The following SLCO5A1 variants were observed in gnomAD, a reference collection of about 807,000 sequenced individuals.
The protein encoded by SLCO5A1 is organic anion transporter polypeptide-related protein 4.
In SLCO5A1, 39 loss-of-function variants were observed where a neutral mutation model predicts 65.1. The observed-to-expected ratio is 0.60, with a 90% CI of 0.46 to 0.78. The LOEUF (loss-of-function observed/expected upper bound fraction) is 0.78, where lower values mean the gene tolerates loss of function less well. SLCO5A1 is among the 30% of genes least tolerant of loss of function. SLCO5A1 has a pLI of 0.00. For synonymous variants in SLCO5A1, 438 were observed against 415.7 expected, an observed-to-expected ratio of 1.05 and a Z score of -0.65; for missense variants, 1,029 against 1,069.4, an observed-to-expected ratio of 0.96 and a Z score of 0.53.
chr8:69,744,030 A>G (rs1816917271), intron 4 of SLCO5A1, among the ~76,000 whole-genome samples: 1 of 152,166 alleles, frequency 6.6e-6, no homozygotes, highest in Non-Finnish European at 1.5e-5. Context: ...CCAGGGGCCC[A>G]GCTGCTGGGG....
At chr8:69,747,471 T>C (rs1283304320) in intron 4 of SLCO5A1, among the ~76,000 whole-genome samples, 1 of 152,216 alleles carries the variant, frequency 6.6e-6, no homozygotes, top group Non-Finnish European at 1.5e-5. Flanking sequence ...TCAGACTTTT[T>C]TATTATCCTT....
rs138826480 is a variant in SLCO5A1 at position 69,804,445 on chromosome 8, C to T, written c.907+27322G>A. Among the ~76,000 whole-genome samples the T allele has an allele frequency of 8.6e-3, 1,315 of 152,248 alleles. 16 individuals carry two copies. The highest frequency in any genetic ancestry group is 0.03 in the African/African-American group (1,244 of 41,524). On this transcript the variant is annotated intron_variant, in intron 2 of 9. Coordinates refer to ENST00000260126, the MANE Select transcript of SLCO5A1 (RefSeq NM_030958.3). The stretch of plus-strand genomic sequence containing the variant: ...TCTCCTGCCTCAGCCTCCCAAGTAG[C>T]TTGGATTACAGGCACAGGCCACCAC...
At chr8:69,726,496 C>CT (rs1554613253) in intron 5 of SLCO5A1, among the ~76,000 whole-genome samples, 1,527 of 114,990 alleles carry the variant, frequency 0.013, 19 homozygotes, top group African/African-American at 0.027. Context: ...TTCCTACCTC[C>CT]TTTTTTTTTT....
chr8:69,705,267 T>G lies in SLCO5A1; in HGVS notation c.1424-38A>C, dbSNP rs775499885. ...GAAGGAGAGGATTAATTTGAACTCA[T>G]GTACACTATTATTCATCTTATCTAT... On this transcript the variant is annotated intron_variant, in intron 5 of 9. Coordinates refer to ENST00000260126, the MANE Select transcript of SLCO5A1 (RefSeq NM_030958.3). 2.5e-6 allele frequency: 4 copies of G among 1,587,436 alleles called. No homozygotes were observed. In the South Asian group the frequency reaches 4.4e-5, roughly 18 times the overall value.
Position 69,704,944 on chromosome 8 carries a change from G to T in SLCO5A1, c.1622+87C>A, listed in dbSNP as rs896393286. Reference sequence around the variant, plus strand: ...CAGGGAGAACAGCTTGGAGGGAGGGGTATGAGGCTGACTGCAGATGCACAA... The same window carrying T: ...CAGGGAGAACAGCTTGGAGGGAGGGTTATGAGGCTGACTGCAGATGCACAA... On this transcript the variant is annotated intron_variant, in intron 6 of 9. Transcript: ENST00000260126. 9 of 1,225,196 alleles carry T rather than the reference G, an allele frequency of 7.3e-6. No individual in the cohort carries two copies. The African/African-American group carries it at 8.9e-5, about 12-fold the overall frequency. 75.9% of individuals were successfully genotyped at this position (1,225,196 alleles called of 1,614,324 possible).
At chr8:69,739,833 G>A (rs1816719721) in intron 4 of SLCO5A1, among the ~76,000 whole-genome samples, 1 of 151,996 alleles carries the variant, frequency 6.6e-6, no homozygotes, top group South Asian at 2.1e-4. Flanking sequence ...AAATTAAAAT[G>A]TCATATCCAA....
intron 2 of SLCO5A1, among the ~76,000 whole-genome samples, chr8:69,763,124 A>G (rs752320875): frequency 8.5e-5 from 13 of 152,202 alleles, no homozygotes; most frequent in Non-Finnish European, 1.6e-4. Context: ...AGCCTGGCCA[A>G]CATGGTGAAA....
chr8:69,689,562 G>A (rs1171423208), intron 6 of SLCO5A1, among the ~76,000 whole-genome samples: 6 of 139,250 alleles, frequency 4.3e-5, no homozygotes, highest in Admixed American at 1.4e-4. Flanking sequence ...CATATGGCTA[G>A]CCAGTTTTCC....
At chr8:69,804,090 G>A (rs913344027) in intron 2 of SLCO5A1, among the ~76,000 whole-genome samples, 2 of 152,170 alleles carry the variant, frequency 1.3e-5, no homozygotes, top group Admixed American at 1.3e-4. Context: ...GGTTAGGAAA[G>A]AGTTGCCTTC....
At chr8:69,682,001 G>A (rs1813801785) in intron 7 of SLCO5A1, among the ~76,000 whole-genome samples, 183 bp downstream of exon 7, 1 of 150,684 alleles carries the variant, frequency 6.6e-6, no homozygotes, top group Non-Finnish European at 1.5e-5. Flanking sequence ...GTCATCCCTG[G>A]AAAAAAAAAT....
intron 5 of SLCO5A1, among the ~76,000 whole-genome samples, chr8:69,723,774 T>C (rs79088027): frequency 1.4e-4 from 6 of 41,472 alleles, no homozygotes; most frequent in Non-Finnish European, 4.0e-4. Context: ...TTTAGTATGC[T>C]TTTTTTTTTT....
At chr8:69,688,544 T>C (rs907145138) in intron 6 of SLCO5A1, among the ~76,000 whole-genome samples, 1 of 151,544 alleles carries the variant, frequency 6.6e-6, no homozygotes, top group African/African-American at 2.4e-5. Context: ...TGTCCATGTG[T>C]TCTCATTGTT....
rs369014202 is a variant in SLCO5A1, at chr8:69,679,503, G to A, written c.1899C>T (p.Asn633=). The change falls in exon 8 of 10, where the codon AAC becomes AAT. Residue 633 remains asparagine (N), a synonymous_variant. Coordinates refer to ENST00000260126, the MANE Select transcript of SLCO5A1 (RefSeq NM_030958.3). Reference sequence around the variant, plus strand: ...TACATTTCCCAGACACAGCATAGCCGTTCTCATTGAGATAAGTCTTGACAA... The same window carrying A: ...TACATTTCCCAGACACAGCATAGCCATTCTCATTGAGATAAGTCTTGACAA... The part of the protein sequence containing the change: ...VVIVKTYLNE[N]GYAVSGKCKR... 58 of 1,614,194 alleles carry A rather than the reference G, an allele frequency of 3.6e-5. No homozygotes were observed. The Middle Eastern group carries it at 1.3e-3, about 37-fold the overall frequency.
At chr8:69,784,714 G>T (rs1255259893) in intron 2 of SLCO5A1, among the ~76,000 whole-genome samples, 2 of 151,174 alleles carry the variant, frequency 1.3e-5, no homozygotes, top group Non-Finnish European at 2.9e-5. Context: ...CTGGAAACTG[G>T]CAGGCAGAGG....
At chr8:69,816,960 G>GT (rs1276633851) in intron 2 of SLCO5A1, among the ~76,000 whole-genome samples, 9 of 152,186 alleles carry the variant, frequency 5.9e-5, no homozygotes, top group Admixed American at 2.0e-4. Flanking sequence ...TGGATTTATA[G>GT]TCCATATATC....
chr8:69,703,464 T>A (rs980804365), intron 6 of SLCO5A1, among the ~76,000 whole-genome samples: 2 of 152,228 alleles, frequency 1.3e-5, no homozygotes, highest in Non-Finnish European at 1.5e-5. Flanking sequence ...GAGACTCACT[T>A]GTGACCGGGA....
intron 2 of SLCO5A1, among the ~76,000 whole-genome samples, chr8:69,821,431 A>AAGG (rs555133111): frequency 6.6e-5 from 10 of 151,596 alleles, no homozygotes; most frequent in Admixed American, 2.6e-4. Context: ...GAAGAGGAAG[A>AAGG]AGGAGGAGGA....
intron 6 of SLCO5A1, among the ~76,000 whole-genome samples, chr8:69,691,728 A>G (rs1310216871): frequency 6.6e-6 from 1 of 152,242 alleles, no homozygotes; most frequent in Non-Finnish European, 1.5e-5. Flanking sequence ...TGACAGGGAC[A>G]CATTCTGAGA....
In SLCO5A1 at chr8:69,704,213, T is replaced by C. The variant is rs920924373; in HGVS notation, c.1622+818A>G. 2.6e-4 allele frequency among the ~76,000 whole-genome samples: 39 copies of C among 152,224 alleles called. 2 individuals carry two copies. Among genetic ancestry groups the C allele is most frequent in the Admixed American group, 2.5e-3 (38 of 15,288 alleles). On this transcript the variant is annotated intron_variant, in intron 6 of 9. Transcript: ENST00000260126. ...CACTGCACCAGCCATGAGCCTTTTT[T>C]AGAGAGCCATTTAAACATTTGTCAG...
Sources: allele counts gnomAD v4.1 joint callset (sites outside exome capture counted in the v4.1 genomes callset), GRCh38; gene constraint gnomAD v4.1.1; transcripts MANE v1.5; gene names NCBI Gene and HGNC (gene_info 2026-07-23, HGNC 2026-07-21).